Variants in MAP7D1 observed in about 807,000 individuals in gnomAD.
MAP7D1 encodes the protein MAP7 domain containing 1, also known as MAP7 domain-containing protein 1.
A neutral mutation model predicts 97.5 loss-of-function variants in MAP7D1; 30 were observed. That is an observed-to-expected ratio of 0.31 (90% CI 0.23 to 0.42). The LOEUF is 0.42. MAP7D1 is among the 10% of genes least tolerant of loss of function. MAP7D1 has a pLI of 1.00. For synonymous variants in MAP7D1, 536 were observed against 477.1 expected, an observed-to-expected ratio of 1.12 and a Z score of -1.61; for missense variants, 1,184 against 1,179.5, an observed-to-expected ratio of 1.00 and a Z score of -0.06.
At position 36,171,244 on chromosome 1, in the gene MAP7D1, G is replaced by T. The variant is rs1049111775; in HGVS notation, c.320G>T (p.Arg107Ile). Residue 107 changes from arginine (R) to isoleucine (I), a missense_variant, in exon 2 of 17, where the codon AGA (arginine) becomes ATA (isoleucine). Coordinates refer to ENST00000474796, the MANE Select transcript of MAP7D1 (RefSeq NM_001388490.1). ...CCAGCCATGGGCCCACGGGATGCCA[G>T]ACCTCCTCGAAGGAGCAGCCAGCCA... ...TPPAMGPRDA[R>I]PPRRSSQPSP... 1 of 1,605,972 alleles carries T rather than the reference G, an allele frequency of 6.2e-7. No homozygotes were observed. The highest frequency in any genetic ancestry group is 1.3e-5 in the African/African-American group (1 of 74,656).
intron 9 of MAP7D1, 30 bp downstream of exon 9, chr1:36,178,231 C>A: frequency 2.6e-6 from 4 of 1,511,506 alleles, no homozygotes; most frequent in Non-Finnish European, 2.7e-6. Flanking sequence ...AGGGGTGGGC[C>A]GAGCGAGAGA....
In MAP7D1 at chr1:36,176,394, C is replaced by A; in HGVS notation, c.1046C>A (p.Pro349His). 6.5e-7 allele frequency: 1 copy of A among 1,528,928 alleles called. No individual in the cohort carries two copies. Among genetic ancestry groups the A allele is most frequent in the East Asian group, 2.5e-5 (1 of 39,682 alleles). The allele number at this position is 1,528,928 out of a possible 1,614,324, so 94.7% of individuals were successfully genotyped here. ...GCCAGCCTGGCGCGCGGGCCGCAAC[C>A]CGACCGCACTCATCCCTCTGCAGCC... ...AGASLARGPQ[P>H]DRTHPSAAVP... Residue 349 changes from proline to histidine, a missense_variant, in exon 7 of 17, where the codon CCC becomes CAC. Pro to His is a moderately conservative substitution (Grantham distance 77, BLOSUM62 -2). Transcript: ENST00000474796. The surrounding 1 kb of genome is among the most constrained non-coding windows in gnomAD (Gnocchi z 6.1).
At position 36,176,269 on chromosome 1, in the gene MAP7D1, C is replaced by T; in HGVS notation, c.921C>T (p.Phe307=). The part of the protein sequence containing the change: ...VDRLMTPTLS[F]LARSRSAVTL... The stretch of plus-strand genomic sequence containing the variant: ...GTCTGATGACGCCCACTCTCTCCTT[C>T]CTTGCTCGGAGTCGCAGCGCGGTCA... Residue 307 remains phenylalanine, a synonymous_variant, in exon 7 of 17, where the codon TTC becomes TTT. Transcript: ENST00000474796. The surrounding 1 kb of genome is among the most constrained non-coding windows in gnomAD (Gnocchi z 6.1). 1.2e-6 allele frequency: 2 copies of T among 1,606,752 alleles called. No homozygotes were observed. The highest frequency in any genetic ancestry group is 1.7e-6 in the Non-Finnish European group (2 of 1,178,348).
chr1:36,177,274 C>CGTTTTT lies in MAP7D1; in HGVS notation c.1379+445_1379+450dup, dbSNP rs571692389. On this transcript the variant is annotated intron_variant, in intron 8 of 16. Coordinates refer to ENST00000474796, the MANE Select transcript of MAP7D1 (RefSeq NM_001388490.1). Reference sequence around the variant, plus strand: ...CCCAGCCTCCATTTTTCTTTTTGTTCGTTTTTGTTTTTGTTTTTTTAAGTG... The same window carrying CGTTTTT: ...CCCAGCCTCCATTTTTCTTTTTGTTCGTTTTTGTTTTTGTTTTTGTTTTTTTAAGTG... Among the ~76,000 whole-genome samples the CGTTTTT allele has an allele frequency of 5.0e-4, 76 of 151,098 alleles. 1 individual carries two copies. Among genetic ancestry groups the CGTTTTT allele is most frequent in the African/African-American group, 1.8e-3 (74 of 41,238 alleles).
chr1:36,162,579 TGGGGGC>T (rs1187468270), intron 1 of MAP7D1, among the ~76,000 whole-genome samples: 1 of 152,206 alleles, frequency 6.6e-6, no homozygotes, highest in Non-Finnish European at 1.5e-5. Context: ...ACCTGTGAAA[TGGGGGC>T]CATCATAGAA....
At position 36,179,859 on chromosome 1, in the gene MAP7D1, C is replaced by A; in HGVS notation, c.2319-15C>A. 3.7e-6 allele frequency: 6 copies of A among 1,605,620 alleles called. No homozygotes were observed. Among genetic ancestry groups the A allele is most frequent in the Non-Finnish European group, 5.1e-6 (6 of 1,174,932 alleles). Reference sequence around the variant, plus strand: ...TGGGAGGTGAGGTGCTGAGCCTTGGCCTCTGCATCCACAGTCTCCCAAGCA... The same window carrying A: ...TGGGAGGTGAGGTGCTGAGCCTTGGACTCTGCATCCACAGTCTCCCAAGCA... On this transcript the variant is annotated splice_polypyrimidine_tract_variant and intron_variant, in intron 15 of 16. Coordinates refer to ENST00000474796, the MANE Select transcript of MAP7D1 (RefSeq NM_001388490.1).
At chr1:36,178,367 AC>A in intron 9 of MAP7D1, 51 bp from the exon 10 acceptor site, 1 of 1,559,754 alleles carries the variant, frequency 6.4e-7, no homozygotes. Context: ...CTGGGAGATG[AC>A]GGCGGTGTCT....
chr1:36,175,108 CA>C lies in MAP7D1; in HGVS notation c.850+101del. 4.2e-6 allele frequency: 3 copies of C among 710,302 alleles called. 1 individual carries two copies. In the South Asian group the frequency reaches 5.1e-5, roughly 12 times the overall value. 44.0% of individuals were successfully genotyped at this position (710,302 alleles called of 1,614,324 possible). A position where few individuals can be genotyped will look rare whatever the true frequency, so the allele number is the denominator to read the frequency against. On this transcript the variant is annotated intron_variant, in intron 6 of 16. Coordinates refer to ENST00000474796, the MANE Select transcript of MAP7D1 (RefSeq NM_001388490.1). ...GAACACCAGGTCCCTGGAGCCCTCA[CA>C]TACTCCAGGTCCCCATCCCCACTCT...
In MAP7D1 at chr1:36,178,095, T is replaced by C; in HGVS notation, c.1602T>C (p.Ser534=). 6.2e-7 allele frequency: 1 copy of C among 1,603,162 alleles called. No individual in the cohort carries two copies. The change falls in exon 9 of 17, where the codon AGT becomes AGC. Residue 534 remains serine (S), a synonymous_variant. Transcript: ENST00000474796. ...AGAGCCAGAGCAAGCGCAGGGCCAGTAACGAGAAGGAGTCAGCAGCCCCAG... is the reference window on the plus strand; with the variant it reads ...AGAGCCAGAGCAAGCGCAGGGCCAGCAACGAGAAGGAGTCAGCAGCCCCAG... ...EDKSQSKRRA[S]NEKESAAPAS... is the part of the protein sequence containing the mutation.
At position 36,171,608 on chromosome 1, in the gene MAP7D1, T is replaced by A. The variant is rs763474387; in HGVS notation, c.460+27T>A. 17 of 1,612,138 alleles carry A rather than the reference T, an allele frequency of 1.1e-5. No homozygotes were observed. The Middle Eastern group carries it at 8.3e-4, about 79-fold the overall frequency. ...TGAGTGAGCAGGAAGCCTCATCATC[T>A]TCTTCATCGTCATCATCAGCATCCT... On this transcript the variant is annotated intron_variant, in intron 3 of 16. Transcript: ENST00000474796.
At chr1:36,177,487 G>A in intron 8 of MAP7D1, 1 of 476,402 alleles carries the variant, frequency 2.1e-6, no homozygotes, top group East Asian at 6.2e-5. Flanking sequence ...TGATGCCACT[G>A]CACTCCAGCC....
rs1644324155 is a variant in MAP7D1, at chr1:36,156,175, G to A, written c.-243G>A. 4.8e-6 allele frequency: 2 copies of A among 418,844 alleles called. No homozygotes were observed. Among genetic ancestry groups the A allele is most frequent in the Non-Finnish European group, 8.4e-6 (2 of 239,230 alleles). 25.9% of individuals were successfully genotyped at this position (418,844 alleles called of 1,614,324 possible). A position where few individuals can be genotyped will look rare whatever the true frequency, so the allele number is the denominator to read the frequency against. ...GTACAATAGGGTTGGGCCGAGGCCG[G>A]GACTGGGCCGGCGCCGGGCGGGGAA... On this transcript the variant is annotated 5_prime_UTR_variant, in exon 1 of 17. Transcript: ENST00000474796.
intron 6 of MAP7D1, among the ~76,000 whole-genome samples, chr1:36,175,522 G>A (rs1644606261): frequency 6.6e-6 from 1 of 152,228 alleles, no homozygotes; most frequent in Non-Finnish European, 1.5e-5. Context: ...CAACCAAGGT[G>A]GCATAGCCCC....
chr1:36,171,023 T>A lies in MAP7D1; in HGVS notation c.99T>A (p.Pro33=). 1 of 1,358,342 alleles carries A rather than the reference T, an allele frequency of 7.4e-7. No homozygotes were observed. Among genetic ancestry groups the A allele is most frequent in the East Asian group, 3.4e-5 (1 of 29,404 alleles). The allele number at this position is 1,358,342 out of a possible 1,614,324, so 84.1% of individuals were successfully genotyped here. A position where few individuals can be genotyped will look rare whatever the true frequency, so the allele number is the denominator to read the frequency against. Residue 33 remains proline, a synonymous_variant, in exon 2 of 17, where the codon CCT becomes CCA. Coordinates refer to ENST00000474796, the MANE Select transcript of MAP7D1 (RefSeq NM_001388490.1). The stretch of plus-strand genomic sequence containing the variant: ...CAAGACCTTCTCCAGAAGGTGACCC[T>A]TCCCCCCCACCACCACCAATGTCAG... ...PEPRPSPEGD[P]SPPPPPMSAL... is the part of the protein sequence containing the mutation.
intron 8 of MAP7D1, 157 bp from the exon 9 acceptor site, chr1:36,177,716 T>C: frequency 9.1e-7 from 1 of 1,099,290 alleles, no homozygotes; most frequent in East Asian, 2.6e-5. Flanking sequence ...CTGGGGTGTA[T>C]GCTCTAAAAG....
At chr1:36,179,784 G>A in intron 15 of MAP7D1, 28 bp downstream of exon 15, 3 of 1,548,796 alleles carry the variant, frequency 1.9e-6, no homozygotes, top group Middle Eastern at 3.5e-4. Flanking sequence ...CAGGGTCCCT[G>A]AGCAGGGAGG....
Position 36,178,540 on chromosome 1 carries a change from C to CCGGGAGCAG in MAP7D1, c.1838_1846dup (p.Gln613_Glu615dup). 4 of 1,600,608 alleles carry CCGGGAGCAG rather than the reference C, an allele frequency of 2.5e-6. No individual in the cohort carries two copies. In the Admixed American group the frequency reaches 5.1e-5, roughly 21 times the overall value. On this transcript the variant is annotated inframe_insertion, in exon 10 of 17. Transcript: ENST00000474796. The stretch of plus-strand genomic sequence containing the variant: ...TCTTGGCTGAGAAGCGGCGCCAGGC[C>CCGGGAGCAG]CGGGAGCAGCGGGAGCGCGAGGAGC...
chr1:36,164,924 C>A (rs1644456127), intron 1 of MAP7D1, among the ~76,000 whole-genome samples: 2 of 152,190 alleles, frequency 1.3e-5, no homozygotes, highest in African/African-American at 2.4e-5. Context: ...AGTTATGGAG[C>A]ACCTATGTGC....
chr1:36,170,920 T>C, intron 1 of MAP7D1, 51 bp from the exon 2 acceptor site: 1 of 736,148 alleles, frequency 1.4e-6, no homozygotes, highest in Non-Finnish European at 2.4e-6. Context: ...ATGGGGCTGA[T>C]GGCACAGATG....
Sources: allele counts gnomAD v4.1 joint callset (sites outside exome capture counted in the v4.1 genomes callset), GRCh38; gene constraint gnomAD v4.1.1; non-coding constraint Gnocchi (gnomAD v3.1); transcripts MANE v1.5; gene names NCBI Gene and HGNC (gene_info 2026-07-23, HGNC 2026-07-21).